Variants in PTGES3L observed in about 807,000 individuals in gnomAD.
The protein encoded by PTGES3L is putative protein PTGES3L.
PTGES3L carries 17 observed loss-of-function variants against 25.0 expected under a neutral mutation model. The observed-to-expected ratio is 0.68, with a 90% CI of 0.47 to 1.02. The LOEUF is 1.02. Ranked by LOEUF, PTGES3L falls within the 50% of genes least tolerant of loss-of-function variation. PTGES3L has a pLI of 0.00. For synonymous variants in PTGES3L, 59 were observed against 65.7 expected (o/e 0.90, Z 0.50); for missense variants, 202 against 197.5 (o/e 1.02, Z -0.14).
intron 4 of PTGES3L, among the ~76,000 whole-genome samples, chr17:42,972,684 C>A (rs1037575604): frequency 6.6e-6 from 1 of 152,106 alleles, no homozygotes; most frequent in African/African-American, 2.4e-5. Flanking sequence ...ACCTACACCT[C>A]CCAGCCGCCT....
At chr17:42,978,991 A>C (rs2050018148) in intron 4 of PTGES3L, among the ~76,000 whole-genome samples, 179 bp downstream of exon 4, 1 of 152,120 alleles carries the variant, frequency 6.6e-6, no homozygotes, top group Non-Finnish European at 1.5e-5. Context: ...CAAGAGTGAA[A>C]CTCCGTCTCA....
rs1413507784 is a variant in PTGES3L at position 42,970,347 on chromosome 17, T to C, written c.379-5A>G. On this transcript the variant is annotated splice_polypyrimidine_tract_variant and splice_region_variant and intron_variant, in intron 5 of 6. Coordinates refer to ENST00000591916, the MANE Select transcript of PTGES3L (RefSeq NM_001261430.2). ...GGTGCTGACCTTCTTCAAAAGCTAG[T>C]GGGAAGAAAAAATAATCACAAGGGA... is the stretch of plus-strand genomic sequence containing the variant. The C allele has an allele frequency of 1.9e-6, 3 of 1,613,282 alleles. No homozygotes were observed. The highest frequency in any genetic ancestry group is 2.5e-6 in the Non-Finnish European group (3 of 1,179,642).
chr17:42,970,672 ACG>A (rs768089035), intron 5 of PTGES3L, among the ~76,000 whole-genome samples: 45 of 115,498 alleles, frequency 3.9e-4, no homozygotes, highest in African/African-American at 1.4e-3. Flanking sequence ...CTGGCTTAAC[ACG>A]CGCACACACA....
chr17:42,977,046 C>T (rs2049966998), intron 4 of PTGES3L, among the ~76,000 whole-genome samples: 3 of 152,012 alleles, frequency 2.0e-5, no homozygotes, highest in Non-Finnish European at 4.4e-5. Context: ...ATTCCAGCAC[C>T]CTGGGAGGCT....
rs370389387 is a variant in PTGES3L, at chr17:42,979,478, T to C, written c.123-34A>G. 26 of 1,614,048 alleles carry C rather than the reference T, an allele frequency of 1.6e-5. No homozygotes were observed. In the African/African-American group the frequency reaches 3.1e-4, roughly 19 times the overall value. On this transcript the variant is annotated intron_variant, in intron 2 of 6. Coordinates refer to ENST00000591916, the MANE Select transcript of PTGES3L (RefSeq NM_001261430.2). ...ACAATGAAGCTGAGGAGATGCGGAA[T>C]ACTCCGTGTGGGGACATTAGGAAAG...
chr17:42,972,918 A>C (rs2049874125), intron 4 of PTGES3L, among the ~76,000 whole-genome samples: 1 of 141,758 alleles, frequency 7.1e-6, no homozygotes, highest in Admixed American at 7.0e-5. Flanking sequence ...GGAAGTGATG[A>C]GCGTCTCTGC....
intron 4 of PTGES3L, among the ~76,000 whole-genome samples, chr17:42,972,466 G>A (rs2049861207): frequency 1.3e-5 from 2 of 151,878 alleles, no homozygotes; most frequent in Non-Finnish European, 1.5e-5. Context: ...CCGAGTGCCT[G>A]CGATTGCAGG....
In PTGES3L at chr17:42,973,851, C is replaced by T. The variant is rs1386355916; in HGVS notation, c.289-2155G>A. Among the ~76,000 whole-genome samples the T allele has an allele frequency of 9.7e-5, 14 of 144,052 alleles. No homozygotes were observed. In the East Asian group the frequency reaches 2.6e-3, roughly 27 times the overall value. 94.5% of individuals were successfully genotyped at this position (144,052 alleles called of 152,430 possible). A position where few individuals can be genotyped will look rare whatever the true frequency, so the allele number is the denominator to read the frequency against. ...AATCTCAAGTAATCAGGGACACAAACACTGCGGAAGGCCGCAGGGTCCTCT... is the reference window on the plus strand; with the variant it reads ...AATCTCAAGTAATCAGGGACACAAATACTGCGGAAGGCCGCAGGGTCCTCT... On this transcript the variant is annotated intron_variant, in intron 4 of 6. Transcript: ENST00000591916.
At chr17:42,969,504 C>G (rs143673043) in intron 6 of PTGES3L, among the ~76,000 whole-genome samples, 120 of 145,530 alleles carry the variant, frequency 8.2e-4, no homozygotes, top group African/African-American at 3.0e-3. Flanking sequence ...GCCTCACAGT[C>G]TCAAGCGATC....
At chr17:42,972,851 G>A (rs1322029916) in intron 4 of PTGES3L, among the ~76,000 whole-genome samples, 23 of 149,308 alleles carry the variant, frequency 1.5e-4, no homozygotes, top group Admixed American at 9.3e-4. Context: ...GTCTCCGCCC[G>A]GCCGCCATCC....
At chr17:42,976,469 C>A (rs1157219062) in intron 4 of PTGES3L, among the ~76,000 whole-genome samples, 3 of 152,136 alleles carry the variant, frequency 2.0e-5, no homozygotes, top group Non-Finnish European at 4.4e-5. Flanking sequence ...ACCTCCACTT[C>A]CCAGGTTCAA....
Position 42,969,114 on chromosome 17 carries a change from C to G in PTGES3L, c.*34G>C. On this transcript the variant is annotated 3_prime_UTR_variant, in exon 7 of 7. Coordinates refer to ENST00000591916, the MANE Select transcript of PTGES3L (RefSeq NM_001261430.2). Reference sequence around the variant, plus strand: ...CTTTCTAGAACAACTGGAAAATAGCCACAGCTGCCTTCCCAGCTTTGCGTC... The same window carrying G: ...CTTTCTAGAACAACTGGAAAATAGCGACAGCTGCCTTCCCAGCTTTGCGTC... 1 of 1,520,566 alleles carries G rather than the reference C, an allele frequency of 6.6e-7. No homozygotes were observed. Among genetic ancestry groups the G allele is most frequent in the South Asian group, 1.2e-5 (1 of 83,260 alleles). The allele number at this position is 1,520,566 out of a possible 1,614,324, so 94.2% of individuals were successfully genotyped here.
At chr17:42,979,844 G>A (rs1278392579) in intron 1 of PTGES3L, 181 bp from the exon 2 acceptor site, 2 of 1,439,822 alleles carry the variant, frequency 1.4e-6, no homozygotes, top group East Asian at 2.5e-5. Flanking sequence ...TGTGAACCTG[G>A]GAAGAATAGA....
At chr17:42,973,453 A>G (rs1285028151) in intron 4 of PTGES3L, among the ~76,000 whole-genome samples, 2 of 151,216 alleles carry the variant, frequency 1.3e-5, no homozygotes, top group African/African-American at 4.8e-5. Flanking sequence ...CTGGGAAGTG[A>G]GGAGCCCCTC....
rs549225240 is a variant in PTGES3L at position 42,975,979 on chromosome 17, G to A, written c.288+3191C>T. ...CACGAGCCACCGAACCTGGCTCCCC[G>A]TTTTATTTATTTATTTTTTTTGAAA... On this transcript the variant is annotated intron_variant, in intron 4 of 6. Coordinates refer to ENST00000591916, the MANE Select transcript of PTGES3L (RefSeq NM_001261430.2). Among the ~76,000 whole-genome samples the A allele has an allele frequency of 3.4e-5, 5 of 149,120 alleles. No homozygotes were observed. In the East Asian group the frequency reaches 8.0e-4, roughly 24 times the overall value.
chr17:42,979,955 G>T (rs2050045397), intron 1 of PTGES3L, 91 bp downstream of exon 1: 1 of 1,467,308 alleles, frequency 6.8e-7, no homozygotes, highest in Admixed American at 2.5e-5. Flanking sequence ...CTCCCGTGGG[G>T]CCTCACAGAA....
intron 4 of PTGES3L, among the ~76,000 whole-genome samples, chr17:42,977,692 A>AG (rs2049983860): frequency 7.3e-6 from 1 of 136,404 alleles, no homozygotes; most frequent in African/African-American, 2.6e-5. Flanking sequence ...AGAAAGAAAG[A>AG]AAAGAAAGAA....
intron 4 of PTGES3L, among the ~76,000 whole-genome samples, chr17:42,978,100 A>AAAAAAC (rs377110391): frequency 3.5e-5 from 5 of 142,352 alleles, no homozygotes; most frequent in African/African-American, 7.8e-5. Context: ...AAAAAAAAAA[A>AAAAAAC]CAGAAAGAAA....
chr17:42,970,110 G>A (rs2049805112), intron 6 of PTGES3L, among the ~76,000 whole-genome samples, 179 bp downstream of exon 6: 1 of 152,140 alleles, frequency 6.6e-6, no homozygotes. Flanking sequence ...CTGGGCGAAA[G>A]AGTGAAACTC....
Sources: gnomAD v4.1 joint callset for allele counts (sites outside exome capture counted in the v4.1 genomes callset) on GRCh38, gnomAD v4.1.1 for gene constraint, MANE v1.5 for transcripts, NCBI Gene and HGNC (gene_info 2026-07-23, HGNC 2026-07-21) for gene names.